The following AHCYL2 variants were observed in gnomAD, a reference collection of about 807,000 sequenced individuals.
The protein encoded by AHCYL2 is S-adenosylhomocysteine hydrolase-like protein 2.
AHCYL2 carries 28 observed loss-of-function variants against 81.4 expected under a neutral mutation model. The ratio of observed to expected loss-of-function variants is 0.34; its 90% CI spans 0.25 to 0.47. AHCYL2 has a LOEUF of 0.47. Among genes scored for constraint, AHCYL2 ranks in the 20% least tolerant of loss-of-function variants. The probability of loss-of-function intolerance (pLI) is 1.00; values close to 1 mark genes in which losing one functional copy is unlikely to be tolerated. For synonymous variants in AHCYL2, 272 were observed against 290.2 expected (o/e 0.94, Z 0.64); for missense variants, 551 against 785.1 (o/e 0.70, Z 3.56).
intron 1 of AHCYL2, among the ~76,000 whole-genome samples, chr7:129,272,618 T>C (rs911885806): frequency 2.6e-5 from 4 of 152,174 alleles, no homozygotes; most frequent in African/African-American, 9.7e-5. Context: ...CTTTGTTATA[T>C]AGTGATTCAA....
chr7:129,411,589 G>A (rs558083195), intron 11 of AHCYL2, among the ~76,000 whole-genome samples: 6 of 150,098 alleles, frequency 4.0e-5, no homozygotes, highest in African/African-American at 1.2e-4. Flanking sequence ...GTGAAACCCC[G>A]TCTCTACTAA....
chr7:129,389,766 A>T (rs1795378004), intron 4 of AHCYL2, 32 bp downstream of exon 4: 1 of 1,546,488 alleles, frequency 6.5e-7, no homozygotes, highest in Non-Finnish European at 8.8e-7. Context: ...TTTTAATTAC[A>T]ATAGTTAATA....
chr7:129,389,594 C>T (rs1795370233), intron 3 of AHCYL2, 40 bp from the exon 4 acceptor site: 1 of 1,483,062 alleles, frequency 6.7e-7, no homozygotes, highest in African/African-American at 1.4e-5. Context: ...TCTCTTATTC[C>T]TTCTTCTTTA....
chr7:129,360,422 C>A (rs1397358752), intron 1 of AHCYL2, among the ~76,000 whole-genome samples: 11 of 152,318 alleles, frequency 7.2e-5, no homozygotes. Flanking sequence ...GGCCACTATT[C>A]TTTAAATCAT....
At chr7:129,235,521 C>T (rs1471227326) in intron 1 of AHCYL2, among the ~76,000 whole-genome samples, 1 of 152,138 alleles carries the variant, frequency 6.6e-6, no homozygotes, top group Non-Finnish European at 1.5e-5. Flanking sequence ...TTCCCAGGCT[C>T]AAGCAATCCT....
intron 5 of AHCYL2, among the ~76,000 whole-genome samples, chr7:129,398,222 G>A (rs1051145844): frequency 1.3e-5 from 2 of 150,850 alleles, no homozygotes; most frequent in Non-Finnish European, 3.0e-5. Flanking sequence ...TGTTGCTCAG[G>A]CTGGTCTCAA....
intron 1 of AHCYL2, among the ~76,000 whole-genome samples, chr7:129,328,149 T>C (rs1408079496): frequency 6.6e-6 from 1 of 152,086 alleles, no homozygotes; most frequent in Admixed American, 6.6e-5. Flanking sequence ...TCCCTTTGGC[T>C]AGTTATGCTG....
chr7:129,386,660 TTC>T (rs1795219123), intron 2 of AHCYL2, among the ~76,000 whole-genome samples: 1 of 152,154 alleles, frequency 6.6e-6, no homozygotes, highest in Non-Finnish European at 1.5e-5. Flanking sequence ...ATTGGAATGC[TTC>T]TCTTAAGGGG....
At chr7:129,425,555 C>T (rs1038890577) in intron 15 of AHCYL2, among the ~76,000 whole-genome samples, 2 of 152,212 alleles carry the variant, frequency 1.3e-5, no homozygotes, top group African/African-American at 4.8e-5. Flanking sequence ...TTTCTTACTA[C>T]ACCTTCCAAC....
chr7:129,412,627 T>C (rs983393503), intron 11 of AHCYL2, among the ~76,000 whole-genome samples: 5 of 152,072 alleles, frequency 3.3e-5, no homozygotes, highest in Admixed American at 2.0e-4. Context: ...TTACAATCCA[T>C]CAACAATACA....
intron 1 of AHCYL2, among the ~76,000 whole-genome samples, chr7:129,246,061 T>TG (rs1160404703): frequency 1.3e-5 from 2 of 151,628 alleles, no homozygotes; most frequent in African/African-American, 4.8e-5. Context: ...ATGTTGGATT[T>TG]GTTTTTTTTT....
intron 1 of AHCYL2, among the ~76,000 whole-genome samples, chr7:129,285,488 G>A (rs898966098): frequency 6.6e-6 from 1 of 152,048 alleles, no homozygotes; most frequent in African/African-American, 2.4e-5. Context: ...ATGGTGTCAG[G>A]GAACCAGGAT....
Position 129,405,845 on chromosome 7 carries a change from G to C in AHCYL2, c.1152G>C (p.Arg384Ser). ...TTTTTTTTTCCCCTAGACTTAAAAG[G>C]ACAACAGACATGATGTTTGGTGGAA... ...CRESILDGLK[R>S]TTDMMFGGKQ... Residue 384 changes from arginine to serine, a missense_variant, in exon 9 of 17, where the codon AGG becomes AGC. Arg to Ser is a moderately radical substitution (Grantham distance 110, BLOSUM62 -1). Around this residue, in one of 2 missense-constraint regions of AHCYL2, gnomAD observed 316 missense variants for 543.1 expected, o/e 0.58. Coordinates refer to ENST00000325006, the MANE Select transcript of AHCYL2 (RefSeq NM_015328.4). The C allele has an allele frequency of 6.2e-7, 1 of 1,612,688 alleles. No individual in the cohort carries two copies. Among genetic ancestry groups the C allele is most frequent in the Non-Finnish European group, 8.5e-7 (1 of 1,179,354 alleles).
intron 1 of AHCYL2, among the ~76,000 whole-genome samples, chr7:129,291,824 C>T (rs11763325): frequency 0.24 from 36,820 of 151,638 alleles, 4,537 homozygotes; most frequent in South Asian, 0.37. Context: ...CCAGGATGGT[C>T]TCAATCTCCT....
At chr7:129,413,501 G>A (rs1796696103) in intron 11 of AHCYL2, 93 bp from the exon 12 acceptor site, 1 of 1,001,040 alleles carries the variant, frequency 1.0e-6, no homozygotes, top group Non-Finnish European at 1.6e-6. Context: ...CTTATAACAA[G>A]TCCCTCATCA....
At position 129,332,167 on chromosome 7, in the gene AHCYL2, T is replaced by C. The variant is rs571654938; in HGVS notation, c.364-47471T>C. 4.3e-4 allele frequency among the ~76,000 whole-genome samples: 65 copies of C among 152,306 alleles called. 1 individual carries two copies. The highest frequency in any genetic ancestry group is 1.5e-3 in the African/African-American group (63 of 41,580). ...TATTCTAAAATGTCAGCAGTGGAAA[T>C]AGTTGAGTATTGGGATAATGGTTAA... is the stretch of plus-strand genomic sequence containing the variant. On this transcript the variant is annotated intron_variant, in intron 1 of 16. Transcript: ENST00000325006.
At chr7:129,369,055 T>TTA (rs1462701433) in intron 1 of AHCYL2, among the ~76,000 whole-genome samples, 3 of 152,084 alleles carry the variant, frequency 2.0e-5, no homozygotes, top group South Asian at 2.1e-4. Context: ...CAGCTATCCT[T>TTA]TATATATATA....
intron 6 of AHCYL2, among the ~76,000 whole-genome samples, chr7:129,403,049 C>G (rs1796108764): frequency 1.3e-5 from 2 of 151,982 alleles, no homozygotes; most frequent in African/African-American, 2.4e-5. Context: ...GATTCAAGAT[C>G]TAGTGGCCTA....
At chr7:129,398,440 A>G (rs9692086) in intron 5 of AHCYL2, among the ~76,000 whole-genome samples, 134,593 of 151,144 alleles carry the variant, frequency 0.89, 60,304 homozygotes, top group East Asian at 1. Context: ...GTGCAGTGGC[A>G]TGATCTCGGC....
Sources: gnomAD v4.1 joint callset for allele counts (sites outside exome capture counted in the v4.1 genomes callset) on GRCh38, gnomAD v4.1.1 for gene constraint, gnomAD v4.1.1 regional missense constraint, MANE v1.5 for transcripts, NCBI Gene and HGNC (gene_info 2026-07-23, HGNC 2026-07-21) for gene names.